The following FAN1 variants were observed in gnomAD, a reference collection of about 807,000 sequenced individuals.
FAN1 encodes the protein FANCD2 and FANCI associated nuclease 1.
In FAN1, 91 loss-of-function variants were observed where a neutral mutation model predicts 104.9. The ratio of observed to expected loss-of-function variants is 0.87; its 90% CI spans 0.73 to 1.03. FAN1 has a LOEUF of 1.03. Ranked by LOEUF, FAN1 falls within the 50% of genes least tolerant of loss-of-function variation. FAN1 has a pLI of 0.00. For synonymous variants in FAN1, 478 were observed against 457.6 expected (o/e 1.04, Z -0.57); for missense variants, 1,263 against 1,239.9 (o/e 1.02, Z -0.28).
chr15:30,929,274 G>A lies in FAN1; in HGVS notation c.2664G>A (p.Gln888=). The A allele has an allele frequency of 6.2e-7, 1 of 1,613,676 alleles. No individual in the cohort carries two copies. The highest frequency in any genetic ancestry group is 8.5e-7 in the Non-Finnish European group (1 of 1,179,848). ...SRRPALEARL[Q]LIHDAPEESL... ...GCCCAGCCCTTGAGGCCAGGCTGCA[G>A]CTGATTCATGATGCCCCCGAGGAGA... Residue 888 remains glutamine (Q), a synonymous_variant, in exon 12 of 15, where the codon CAG becomes CAA. Coordinates refer to ENST00000362065, the MANE Select transcript of FAN1 (RefSeq NM_014967.5).
chr15:30,930,237 G>A (rs1249026010), intron 12 of FAN1, among the ~76,000 whole-genome samples: 2 of 151,646 alleles, frequency 1.3e-5, no homozygotes, highest in Non-Finnish European at 2.9e-5. Context: ...CCTCTATGAG[G>A]CCATGCTGTC....
At chr15:30,915,884 G>A (rs1327792984) in intron 5 of FAN1, among the ~76,000 whole-genome samples, 1 of 152,106 alleles carries the variant, frequency 6.6e-6, no homozygotes, top group Non-Finnish European at 1.5e-5. Flanking sequence ...TTCCTAAAAT[G>A]TCACTTTTGA....
chr15:30,942,891 TTTG>T lies in FAN1; in HGVS notation c.*1331_*1333del, dbSNP rs1164181472. ...CACGTTTTGTTAGCTGTGATTTACC[TTTG>T]TCCGTTTAAAAGACTTCACGGAGCC... is the stretch of plus-strand genomic sequence containing the variant. On this transcript the variant is annotated 3_prime_UTR_variant, in exon 15 of 15. Coordinates refer to ENST00000362065, the MANE Select transcript of FAN1 (RefSeq NM_014967.5). The T allele has an allele frequency of 6.4e-7, 1 of 1,559,954 alleles. No individual in the cohort carries two copies. Among genetic ancestry groups the T allele is most frequent in the South Asian group, 1.2e-5 (1 of 83,730 alleles).
At position 30,922,979 on chromosome 15, in the gene FAN1, C is replaced by A. The variant is rs149256541; in HGVS notation, c.2172+625C>A. 2.0e-4 allele frequency among the ~76,000 whole-genome samples: 31 copies of A among 152,342 alleles called. No individual in the cohort carries two copies. In the East Asian group the frequency reaches 6.0e-3, roughly 29 times the overall value. On this transcript the variant is annotated intron_variant, in intron 8 of 14. Transcript: ENST00000362065. Reference sequence around the variant, plus strand: ...GCAGAGCCTGTGCCTGTGGGCTAGGCAGCAACAGTGGTTCTTTGTGTGGCC... The same window carrying A: ...GCAGAGCCTGTGCCTGTGGGCTAGGAAGCAACAGTGGTTCTTTGTGTGGCC...
intron 5 of FAN1, among the ~76,000 whole-genome samples, chr15:30,915,010 T>A (rs1036757738): frequency 2.6e-5 from 4 of 151,836 alleles, no homozygotes; most frequent in African/African-American, 9.7e-5. Flanking sequence ...TACTCCCATG[T>A]CTATTGCAGT....
chr15:30,930,147 A>G (rs944320383), intron 12 of FAN1, among the ~76,000 whole-genome samples: 3 of 151,118 alleles, frequency 2.0e-5, no homozygotes, highest in Admixed American at 6.7e-5. Flanking sequence ...TGCCTTTGCC[A>G]CCCCTGAGTT....
At chr15:30,927,499 A>G in intron 10 of FAN1, 1 of 985,696 alleles carries the variant, frequency 1.0e-6, no homozygotes, top group Non-Finnish European at 1.2e-6. Flanking sequence ...TCAGAAGTGC[A>G]GGACAGAGGT....
intron 2 of FAN1, chr15:30,906,566 G>C: frequency 4.4e-6 from 2 of 454,036 alleles, no homozygotes; most frequent in South Asian, 3.1e-5. Context: ...TGATGACTCT[G>C]TGGAACCATG....
rs1353840129 is a variant in FAN1, at chr15:30,905,854, T to A, written c.1191T>A (p.Asp397Glu). Residue 397 changes from aspartate to glutamate, a missense_variant, in exon 2 of 15, where the codon GAT (aspartate) becomes GAA (glutamate). Transcript: ENST00000362065. ...ATGAAGATGATATGTTGCTCTTTGA[T>A]GAGCAGGAGAAGGGAATTGTAACTA... ...LENEDDMLLF[D>E]EQEKGIVTKF... is the part of the protein sequence containing the mutation. The A allele has an allele frequency of 6.2e-7, 1 of 1,613,778 alleles. No individual in the cohort carries two copies. Among genetic ancestry groups the A allele is most frequent in the East Asian group, 2.2e-5 (1 of 44,884 alleles).
chr15:30,928,179 T>A, intron 10 of FAN1: 1 of 1,011,068 alleles, frequency 9.9e-7, no homozygotes, highest in Non-Finnish European at 1.2e-6. Flanking sequence ...ATGGGGATTC[T>A]GTGCCAGCCC....
In FAN1 at chr15:30,940,282, CTTT is replaced by C. The variant is rs2062996777; in HGVS notation, c.*4-1283_*4-1281del. The C allele has an allele frequency of 3.5e-6, 3 of 867,046 alleles. No individual in the cohort carries two copies. In the African/African-American group the frequency reaches 5.6e-5, roughly 16 times the overall value. 53.7% of individuals were successfully genotyped at this position (867,046 alleles called of 1,614,324 possible). A position where few individuals can be genotyped will look rare whatever the true frequency, so the allele number is the denominator to read the frequency against. ...TGTCACACAGTTTGGAAATACTTTACTTTAGAGAGATTCAGATCAAGCAAACAA... is the reference window on the plus strand; with the variant it reads ...TGTCACACAGTTTGGAAATACTTTACAGAGAGATTCAGATCAAGCAAACAA... On this transcript the variant is annotated intron_variant, in intron 14 of 14. Transcript: ENST00000362065.
chr15:30,920,461 T>A, intron 6 of FAN1, 84 bp from the exon 7 acceptor site: 1 of 869,562 alleles, frequency 1.2e-6, no homozygotes, highest in South Asian at 1.5e-5. Context: ...AAGATAGGAA[T>A]TCAGTCTGCT....
At chr15:30,933,702 A>T (rs921850082) in intron 13 of FAN1, among the ~76,000 whole-genome samples, 1 of 151,826 alleles carries the variant, frequency 6.6e-6, no homozygotes, top group Non-Finnish European at 1.5e-5. Flanking sequence ...TTGTTCTATA[A>T]ATTATTGAGA....
At position 30,929,379 on chromosome 15, in the gene FAN1, G is replaced by C. The variant is rs757368405; in HGVS notation, c.2769G>C (p.Thr923=). Residue 923 remains threonine, a synonymous_variant, in exon 12 of 15, where the codon ACG becomes ACC. Transcript: ENST00000362065. ...VASLVSWDRF[T]SLQQAQDLVS... is the part of the protein sequence containing the mutation. ...CCCTTGTCAGCTGGGATCGCTTCACGTCTCTTCAGCAAGCTCAGGTAATGG... is the reference window on the plus strand; with the variant it reads ...CCCTTGTCAGCTGGGATCGCTTCACCTCTCTTCAGCAAGCTCAGGTAATGG... 4.4e-6 allele frequency: 7 copies of C among 1,606,968 alleles called. No individual in the cohort carries two copies. The highest frequency in any genetic ancestry group is 2.7e-5 in the African/African-American group (2 of 74,444).
At chr15:30,916,840 T>C (rs1203116627) in intron 5 of FAN1, among the ~76,000 whole-genome samples, 1 of 152,032 alleles carries the variant, frequency 6.6e-6, no homozygotes, top group Non-Finnish European at 1.5e-5. Flanking sequence ...AGAAGTGCTG[T>C]GATAATTGAG....
chr15:30,940,245 T>C (rs1440768209), intron 14 of FAN1: 5 of 984,822 alleles, frequency 5.1e-6, no homozygotes, highest in Non-Finnish European at 4.8e-6. Flanking sequence ...GCTACAGTGG[T>C]AGGTAGGCTC....
intron 6 of FAN1, 152 bp downstream of exon 6, chr15:30,918,447 G>C (rs1227824642): frequency 2.7e-6 from 2 of 746,724 alleles, no homozygotes; most frequent in African/African-American, 3.5e-5. Context: ...TGCCTAGAAT[G>C]AAAGTGCTGT....
intron 12 of FAN1, 145 bp from the exon 13 acceptor site, chr15:30,930,398 C>T: frequency 3.3e-6 from 3 of 896,586 alleles, no homozygotes; most frequent in Non-Finnish European, 4.7e-6. Context: ...CTGGTACAAG[C>T]AGCAGAACAG....
Position 30,919,994 on chromosome 15 carries a change from A to G in FAN1, c.1944-551A>G, listed in dbSNP as rs116053646. ...GTTAGATTACTATAAACAGAGGTTG[A>G]TAAACTTCTGTAAAAGGTCACATAG... On this transcript the variant is annotated intron_variant, in intron 6 of 14. Transcript: ENST00000362065. 4.6e-3 allele frequency among the ~76,000 whole-genome samples: 705 copies of G among 152,346 alleles called. 4 individuals are homozygous for G. Among genetic ancestry groups the G allele is most frequent in the African/African-American group, 0.016 (684 of 41,574 alleles).
Sources: gnomAD v4.1 joint callset for allele counts (sites outside exome capture counted in the v4.1 genomes callset) on GRCh38, gnomAD v4.1.1 for gene constraint, MANE v1.5 for transcripts, NCBI Gene and HGNC (gene_info 2026-07-23, HGNC 2026-07-21) for gene names.